The following FLCN variants were observed in gnomAD, a reference collection of about 807,000 sequenced individuals.
FLCN encodes the protein BHD skin lesion fibrofolliculoma protein.
In FLCN, 22 loss-of-function variants were observed where a neutral mutation model predicts 62.5. That is an observed-to-expected ratio of 0.35 (90% CI 0.25 to 0.50). The LOEUF (loss-of-function observed/expected upper bound fraction) is 0.50. Among genes scored for constraint, FLCN ranks in the 20% least tolerant of loss-of-function variants. FLCN has a pLI of 0.97. For missense variants in FLCN, 657 were observed against 778.0 expected (o/e 0.84, Z 1.85); for synonymous variants, 319 against 310.0 (o/e 1.03, Z -0.30).
chr17:17,213,431 C>T lies in FLCN; in HGVS notation c.*224G>A, dbSNP rs541003301. The T allele has an allele frequency of 6.8e-4, 430 of 628,358 alleles. 4 individuals carry two copies. The highest frequency in any genetic ancestry group is 1.8e-3 in the South Asian group (99 of 54,010). The allele number at this position is 628,358 out of a possible 1,614,324, so 38.9% of individuals were successfully genotyped here. The stretch of plus-strand genomic sequence containing the variant: ...ACACAGAGAGAGCCCATCATCCCTC[C>T]GCCTTTCATTGCCATCTTCAGCGAT... On this transcript the variant is annotated 3_prime_UTR_variant, in exon 14 of 14. Coordinates refer to ENST00000285071, the MANE Select transcript of FLCN (RefSeq NM_144997.7).
At position 17,213,396 on chromosome 17, in the gene FLCN, A is replaced by G. The variant is rs1236652270; in HGVS notation, c.*259T>C. 2 of 581,242 alleles carry G rather than the reference A, an allele frequency of 3.4e-6. No homozygotes were observed. The highest frequency in any genetic ancestry group is 6.2e-6 in the Non-Finnish European group (2 of 324,496). 36.0% of individuals were successfully genotyped at this position (581,242 alleles called of 1,614,324 possible). A position where few individuals can be genotyped will look rare whatever the true frequency, so the allele number is the denominator to read the frequency against. On this transcript the variant is annotated 3_prime_UTR_variant, in exon 14 of 14. Coordinates refer to ENST00000285071, the MANE Select transcript of FLCN (RefSeq NM_144997.7). ...AGCTGTCCTCCTAGTCGTCTCTCCAAGGAGTTTGAACACAGAGAGAGCCCA... is the reference window on the plus strand; with the variant it reads ...AGCTGTCCTCCTAGTCGTCTCTCCAGGGAGTTTGAACACAGAGAGAGCCCA...
intron 4 of FLCN, among the ~76,000 whole-genome samples, chr17:17,227,624 T>C (rs147232424): frequency 1.3e-5 from 2 of 152,054 alleles, no homozygotes; most frequent in East Asian, 1.9e-4. Context: ...GGCAGGAGAA[T>C]TGCTTGAACC....
intron 9 of FLCN, 101 bp from the exon 10 acceptor site, chr17:17,217,283 A>G (rs554715544): frequency 3.6e-6 from 3 of 834,620 alleles, no homozygotes; most frequent in East Asian, 5.3e-5. Context: ...TTGTAGAGCA[A>G]AGACAGGGCT....
chr17:17,230,065 G>A (rs1260413661), intron 3 of FLCN, among the ~76,000 whole-genome samples: 1 of 152,210 alleles, frequency 6.6e-6, no homozygotes, highest in Non-Finnish European at 1.5e-5. Context: ...CACTGGCAGA[G>A]AAGTTCTGGA....
At chr17:17,214,913 CCT>C (rs2046863392) in intron 13 of FLCN, 70 bp downstream of exon 13, 2 of 1,513,540 alleles carry the variant, frequency 1.3e-6, no homozygotes, top group East Asian at 2.3e-5. Flanking sequence ...CGGCCCAGCT[CCT>C]CTTTTGGAAA....
intron 8 of FLCN, chr17:17,220,688 A>G (rs1483912362): frequency 6.4e-6 from 1 of 156,294 alleles, no homozygotes; most frequent in Non-Finnish European, 1.4e-5. Context: ...TCACCAAGAC[A>G]CTGCCCTTGC....
chr17:17,222,180 T>TA (rs1430139596), intron 7 of FLCN, among the ~76,000 whole-genome samples: 1 of 151,420 alleles, frequency 6.6e-6, no homozygotes, highest in Non-Finnish European at 1.5e-5. Context: ...CTACCAAAAA[T>TA]AAAAAAATTA....
At chr17:17,235,382 G>A (rs769500500) in intron 1 of FLCN, 4 of 152,176 alleles carry the variant, frequency 2.6e-5, no homozygotes, top group Admixed American at 6.5e-5. Context: ...GCCTGGAAGC[G>A]GAGGTGGCAG....
rs760329266 is a variant in FLCN, at chr17:17,213,760, G to C, written c.1635C>G (p.Asp545Glu). 2.4e-5 allele frequency: 39 copies of C among 1,614,130 alleles called. No individual in the cohort carries two copies. The highest frequency in any genetic ancestry group is 3.1e-5 in the Non-Finnish European group (37 of 1,180,048). ...LLSILGASEE[D>E]NVKLLKFWMT... is the part of the protein sequence containing the mutation. ...TCCAGAACTTCAGCAGCTTGACATT[G>C]TCCTCCTCGGACGCACCCAGGATGC... The change falls in exon 14 of 14, where the codon GAC (aspartate) becomes GAG (glutamate). Residue 545 changes from aspartate (D) to glutamate (E), a missense_variant. Physicochemically the swap from Asp to Glu is conservative, Grantham distance 45. Transcript: ENST00000285071.
chr17:17,226,403 C>G, intron 4 of FLCN, 81 bp from the exon 5 acceptor site: 1 of 1,547,998 alleles, frequency 6.5e-7, no homozygotes, highest in Non-Finnish European at 8.9e-7. Context: ...AATCTGAGCT[C>G]GGAAAACTCA....
rs776467886 is a variant in FLCN, at chr17:17,217,107, C to G, written c.1138G>C (p.Asp380His). 1 of 1,614,068 alleles carries G rather than the reference C, an allele frequency of 6.2e-7. No individual in the cohort carries two copies. Among genetic ancestry groups the G allele is most frequent in the Admixed American group, 1.7e-5 (1 of 60,024 alleles). Residue 380 changes from aspartate (D) to histidine (H), a missense_variant, in exon 10 of 14, where the codon GAC becomes CAC. By Grantham distance (81) the Asp-to-His change is moderately conservative. Coordinates refer to ENST00000285071, the MANE Select transcript of FLCN (RefSeq NM_144997.7). ...MGNQVIWKSR[D>H]VDLVQSAFEV... ...AAAGCTGACTGGACGAGGTCCACGT[C>G]TCTGCTTTTCCAGATCACCTGGTTC...
Position 17,218,948 on chromosome 17 carries a change from C to T in FLCN, c.1062+71G>A, listed in dbSNP as rs140889575. 4,162 of 1,548,628 alleles carry T rather than the reference C, an allele frequency of 2.7e-3. 19 individuals carry two copies. The highest frequency in any genetic ancestry group is 4.4e-3 in the Admixed American group (253 of 57,184). ...GAAGGTGGAGGGTCCAGAGGCAAGG[C>T]GTGTGGGCAGGGACAGCCCATGACT... On this transcript the variant is annotated intron_variant, in intron 9 of 13. Transcript: ENST00000285071.
intron 7 of FLCN, 102 bp downstream of exon 7, chr17:17,222,399 A>C: frequency 6.5e-7 from 1 of 1,543,482 alleles, no homozygotes; most frequent in Admixed American, 1.8e-5. Flanking sequence ...GCAGCAAGCA[A>C]ACACGGCTAA....
In FLCN at chr17:17,215,178, C is replaced by T. The variant is rs1200932753; in HGVS notation, c.1432+7G>A. The T allele has an allele frequency of 1.2e-6, 2 of 1,614,088 alleles. No homozygotes were observed. Among genetic ancestry groups the T allele is most frequent in the Non-Finnish European group, 1.7e-6 (2 of 1,180,008 alleles). On this transcript the variant is annotated splice_region_variant and intron_variant, in intron 12 of 13. Transcript: ENST00000285071. ...ACAAAAAGGACACTCTGCCTGGGGG[C>T]ACCCACCTCGGTCTGCAGCTACAGG...
In FLCN at chr17:17,213,867, CCAAAA is replaced by C. The variant is rs398124531; in HGVS notation, c.1539-16_1539-12del. On this transcript the variant is annotated splice_polypyrimidine_tract_variant and intron_variant, in intron 13 of 13. Transcript: ENST00000285071. ...AGCACCTTCACTTTGCTGAAGAAAA[CCAAAA>C]CAAAACACTCAGACACCACAGCACA... 50 of 1,613,792 alleles carry C rather than the reference CCAAAA, an allele frequency of 3.1e-5. No homozygotes were observed. Among genetic ancestry groups the C allele is most frequent in the East Asian group, 6.7e-5 (3 of 44,894 alleles).
Position 17,227,742 on chromosome 17 carries a change from T to C in FLCN, c.249+147A>G, listed in dbSNP as rs1597616617. The C allele has an allele frequency of 2.6e-6, 3 of 1,138,512 alleles. No individual in the cohort carries two copies. In the East Asian group the frequency reaches 7.3e-5, roughly 28 times the overall value. 70.5% of individuals were successfully genotyped at this position (1,138,512 alleles called of 1,614,324 possible). ...AAACAAAACAAAACAAAACAAAAGC[T>C]ACAGTCAGGATGAGCGGAAAGAACT... is the stretch of plus-strand genomic sequence containing the variant. On this transcript the variant is annotated intron_variant, in intron 4 of 13. Coordinates refer to ENST00000285071, the MANE Select transcript of FLCN (RefSeq NM_144997.7).
chr17:17,217,484 C>T, intron 9 of FLCN: 1 of 438,222 alleles, frequency 2.3e-6, no homozygotes, highest in South Asian at 2.1e-5. Context: ...CACCTTCTCT[C>T]TACAGACACT....
rs767762804 is a variant in FLCN at position 17,215,257 on chromosome 17, A to G, written c.1360T>C (p.Cys454Arg). 1.9e-6 allele frequency: 3 copies of G among 1,613,898 alleles called. No homozygotes were observed. Among genetic ancestry groups the G allele is most frequent in the South Asian group, 1.1e-5 (1 of 91,072 alleles). The change falls in exon 12 of 14, where the codon TGT (cysteine) becomes CGT (arginine). Residue 454 changes from cysteine (C) to arginine (R), a missense_variant. By Grantham distance (180) the Cys-to-Arg change is radical. Coordinates refer to ENST00000285071, the MANE Select transcript of FLCN (RefSeq NM_144997.7). ...AARSTLHPVG[C>R]EDDQSLSKYE... is the part of the protein sequence containing the mutation. Reference sequence around the variant, plus strand: ...TTGCTGAGAGACTGGTCATCCTCACACCCCACAGGGTGGAGGGTGGAACGT... The same window carrying G: ...TTGCTGAGAGACTGGTCATCCTCACGCCCCACAGGGTGGAGGGTGGAACGT...
At position 17,216,762 on chromosome 17, in the gene FLCN, T is replaced by C. The variant is rs2046938522; in HGVS notation, c.1177-259A>G. On this transcript the variant is annotated intron_variant, in intron 10 of 13. Coordinates refer to ENST00000285071, the MANE Select transcript of FLCN (RefSeq NM_144997.7). The surrounding 1 kb of genome is among the most constrained non-coding windows in gnomAD (Gnocchi z 4.0). ...CTCGCTCTGTGGTGTTAACTCATAT[T>C]AATGTTTGCCTGCACAGATGTTTGT... Among the ~76,000 whole-genome samples, 1 of 152,196 alleles carries C rather than the reference T, an allele frequency of 6.6e-6. No homozygotes were observed. The highest frequency in any genetic ancestry group is 2.4e-5 in the African/African-American group (1 of 41,462).
Sources: allele counts gnomAD v4.1 joint callset (sites outside exome capture counted in the v4.1 genomes callset), GRCh38; gene constraint gnomAD v4.1.1; non-coding constraint Gnocchi (gnomAD v3.1); transcripts MANE v1.5; gene names NCBI Gene and HGNC (gene_info 2026-07-23, HGNC 2026-07-21).